The following KIFC3 variants were observed in gnomAD, a reference collection of about 807,000 sequenced individuals.
KIFC3 encodes kinesin-like protein KIFC3.
KIFC3 carries 60 observed loss-of-function variants against 101.8 expected under a neutral mutation model. The observed-to-expected ratio is 0.59, with a 90% CI of 0.48 to 0.73. KIFC3 has a LOEUF of 0.73. Among genes scored for constraint, KIFC3 ranks in the 30% least tolerant of loss-of-function variants. KIFC3 has a pLI of 0.00. For missense variants in KIFC3, 966 were observed against 1,137.1 expected, an observed-to-expected ratio of 0.85 and a Z score of 2.16; for synonymous variants, 476 against 482.7, an observed-to-expected ratio of 0.99 and a Z score of 0.18.
intron 11 of KIFC3, among the ~76,000 whole-genome samples, chr16:57,764,661 G>C (rs1421756798): frequency 6.6e-6 from 1 of 152,238 alleles, no homozygotes; most frequent in Non-Finnish European, 1.5e-5. Context: ...AGGTTGGTCT[G>C]GGCAGAGATA....
chr16:57,812,670 CATGAGTCAGGGTGAG>C (rs2055116705), intron 1 of KIFC3, among the ~76,000 whole-genome samples: 1 of 152,172 alleles, frequency 6.6e-6, no homozygotes, highest in South Asian at 2.1e-4. Flanking sequence ...GGAGAGACCC[CATGAGTCAGGGTGAG>C]ATGAGGTGTT....
chr16:57,771,773 C>T (rs1454482945), intron 4 of KIFC3, 87 bp from the exon 5 acceptor site: 16 of 1,472,468 alleles, frequency 1.1e-5, no homozygotes, highest in Non-Finnish European at 1.3e-5. Context: ...GGCACAAGGG[C>T]AGGGAAGAGA....
intron 1 of KIFC3, among the ~76,000 whole-genome samples, chr16:57,847,931 G>A (rs1052916876): frequency 2.6e-5 from 4 of 151,822 alleles, no homozygotes; most frequent in African/African-American, 9.7e-5. Context: ...GGACACAGGC[G>A]CACCCCACCA....
intron 1 of KIFC3, chr16:57,815,679 A>T: frequency 3.9e-6 from 5 of 1,280,372 alleles, no homozygotes; most frequent in Non-Finnish European, 5.1e-6. Context: ...TAAACACTCC[A>T]CTCGGGGCCT....
chr16:57,765,702 T>A lies in KIFC3; in HGVS notation c.1331-62A>T, dbSNP rs559690529. ...ATGTCAAGACCAGTCTCCATTCTGG[T>A]CCACTGGTGTCCCAGGCAGACTAGT... On this transcript the variant is annotated intron_variant, in intron 10 of 19. Coordinates refer to ENST00000445690, the MANE Select transcript of KIFC3 (RefSeq NM_001130100.2). 1.1e-5 allele frequency: 17 copies of A among 1,478,786 alleles called. No individual in the cohort carries two copies. In the African/African-American group the frequency reaches 2.1e-4, roughly 18 times the overall value. 91.6% of individuals were successfully genotyped at this position (1,478,786 alleles called of 1,614,324 possible).
At chr16:57,834,494 T>G (rs929596210) in intron 1 of KIFC3, among the ~76,000 whole-genome samples, 5 of 152,110 alleles carry the variant, frequency 3.3e-5, no homozygotes, top group African/African-American at 1.2e-4. Context: ...AAAAATACCT[T>G]TAAATTTTTA....
intron 1 of KIFC3, among the ~76,000 whole-genome samples, chr16:57,856,014 G>GA (rs560212371): frequency 2.0e-5 from 3 of 151,082 alleles, no homozygotes; most frequent in African/African-American, 7.3e-5. Context: ...ATTAAGAGCA[G>GA]AAATTAATAA....
At position 57,760,371 on chromosome 16, in the gene KIFC3, TGAG is replaced by T; in HGVS notation, c.2275_2277del (p.Leu759del). ...ACAGAGCGCACCCTCTCAGCAAACTTGAGGGAATAGAGCGTCTCGCTAGTGTTC... is the reference window on the plus strand; with the variant it reads ...ACAGAGCGCACCCTCTCAGCAAACTTGGAATAGAGCGTCTCGCTAGTGTTC... On this transcript the variant is annotated inframe_deletion, in exon 17 of 20. Transcript: ENST00000445690. The T allele has an allele frequency of 6.2e-7, 1 of 1,613,792 alleles. No homozygotes were observed. The highest frequency in any genetic ancestry group is 8.5e-7 in the Non-Finnish European group (1 of 1,179,924).
chr16:57,764,275 T>TGGGGG, intron 11 of KIFC3, 28 bp from the exon 12 acceptor site: 1 of 539,920 alleles, frequency 1.9e-6, no homozygotes, highest in Non-Finnish European at 3.5e-6. Context: ...GGGAGGCTGG[T>TGGGGG]GGGGGGGCTT....
chr16:57,846,674 G>C (rs1328940899), intron 1 of KIFC3: 1 of 152,202 alleles, frequency 6.6e-6, no homozygotes, highest in Non-Finnish European at 1.5e-5. Context: ...TGTCACCCCT[G>C]CAGCTGGTTC....
chr16:57,779,180 C>G (rs1167902268), intron 3 of KIFC3, among the ~76,000 whole-genome samples: 1 of 152,096 alleles, frequency 6.6e-6, no homozygotes, highest in Non-Finnish European at 1.5e-5. Context: ...GGAAGCAGCC[C>G]ATGGATGGAT....
chr16:57,761,082 C>T lies in KIFC3; in HGVS notation c.1962G>A (p.Thr654=), dbSNP rs565841759. 1.6e-4 allele frequency: 264 copies of T among 1,613,474 alleles called. 1 individual carries two copies. In the South Asian group the frequency reaches 2.6e-3, roughly 16 times the overall value. The change falls in exon 15 of 20, where the codon ACG becomes ACA. Residue 654 remains threonine, a synonymous_variant. Transcript: ENST00000445690. ...CTGTGCTGCAGTCCACGCCTCGCAC[C>T]GTCACGATGAGCAGCGCGTGCGAGC... The part of the protein sequence containing the change: ...SSRSHALLIV[T]VRGVDCSTGL...
At chr16:57,786,833 G>A (rs1287005590) in intron 3 of KIFC3, among the ~76,000 whole-genome samples, 1 of 152,196 alleles carries the variant, frequency 6.6e-6, no homozygotes, top group African/African-American at 2.4e-5. Flanking sequence ...AAGTGGGGAG[G>A]GTGCAGCTTG....
At chr16:57,810,435 C>T (rs1452906751) in intron 1 of KIFC3, among the ~76,000 whole-genome samples, 8 of 152,184 alleles carry the variant, frequency 5.3e-5, no homozygotes, top group African/African-American at 1.7e-4. Context: ...GAAGTTTTGA[C>T]GCTGCTGATT....
chr16:57,761,396 G>T lies in KIFC3; in HGVS notation c.1872+17C>A. ...CTAGAGCAGTGTGGCTGTGGTCAGG[G>T]GCTCCCGCCTCCACACCTTGTTGAT... is the stretch of plus-strand genomic sequence containing the variant. On this transcript the variant is annotated intron_variant, in intron 14 of 19. Coordinates refer to ENST00000445690, the MANE Select transcript of KIFC3 (RefSeq NM_001130100.2). 6 of 1,613,866 alleles carry T rather than the reference G, an allele frequency of 3.7e-6. No individual in the cohort carries two copies. Among genetic ancestry groups the T allele is most frequent in the Non-Finnish European group, 5.1e-6 (6 of 1,179,874 alleles).
intron 1 of KIFC3, chr16:57,810,660 C>T (rs782197828): frequency 6.9e-5 from 68 of 985,356 alleles, no homozygotes; most frequent in African/African-American, 3.0e-4. Flanking sequence ...AATGCCAGGA[C>T]GGGAATTTAA....
rs139565169 is a variant in KIFC3 at position 57,788,862 on chromosome 16, A to G, written c.315+6137T>C. On this transcript the variant is annotated intron_variant, in intron 3 of 19. Coordinates refer to ENST00000445690, the MANE Select transcript of KIFC3 (RefSeq NM_001130100.2). ...CCTTTGTGGGTGGGTGGGGACGTTG[A>G]GGTCCAGGATCTGGAAGAGGATGTG... 20 of 652,440 alleles carry G rather than the reference A, an allele frequency of 3.1e-5. No individual in the cohort carries two copies. The Middle Eastern group carries it at 4.2e-3, about 137-fold the overall frequency. 40.4% of individuals were successfully genotyped at this position (652,440 alleles called of 1,614,324 possible).
At chr16:57,811,097 C>A (rs1295509842) in intron 1 of KIFC3, among the ~76,000 whole-genome samples, 3 of 152,200 alleles carry the variant, frequency 2.0e-5, no homozygotes, top group Admixed American at 6.5e-5. Flanking sequence ...AAGCCTGATC[C>A]AAGGGCAGGA....
chr16:57,772,127 C>G, intron 4 of KIFC3, 96 bp downstream of exon 4: 1 of 1,048,188 alleles, frequency 9.5e-7, no homozygotes, highest in Non-Finnish European at 1.4e-6. Flanking sequence ...TATGCGGGCT[C>G]AGGAGAGAGA....
Sources: allele counts gnomAD v4.1 joint callset (sites outside exome capture counted in the v4.1 genomes callset), GRCh38; gene constraint gnomAD v4.1.1; transcripts MANE v1.5; gene names NCBI Gene and HGNC (gene_info 2026-07-23, HGNC 2026-07-21).